The following RNF146 variants were observed in gnomAD, a reference collection of about 807,000 sequenced individuals.
RNF146 encodes E3 ubiquitin-protein ligase RNF146.
RNF146 carries 11 observed loss-of-function variants against 29.7 expected under a neutral mutation model. The ratio of observed to expected loss-of-function variants is 0.37; its 90% CI spans 0.23 to 0.61. The LOEUF (loss-of-function observed/expected upper bound fraction) is 0.61, where lower values mean the gene tolerates loss of function less well. Ranked by LOEUF, RNF146 falls within the 20% of genes least tolerant of loss-of-function variation. RNF146 has a pLI of 0.66. For missense variants in RNF146, 342 were observed against 438.9 expected (o/e 0.78, Z 1.97); for synonymous variants, 150 against 159.7 (o/e 0.94, Z 0.46).
At chr6:127,279,791 C>CT (rs1173302892) in intron 1 of RNF146, among the ~76,000 whole-genome samples, 1 of 151,824 alleles carries the variant, frequency 6.6e-6, no homozygotes, top group Non-Finnish European at 1.5e-5. Flanking sequence ...GTGTACAAGT[C>CT]CTTCACCTCC....
At chr6:127,273,829 T>C (rs1777825211) in intron 1 of RNF146, among the ~76,000 whole-genome samples, 1 of 152,142 alleles carries the variant, frequency 6.6e-6, no homozygotes, top group Admixed American at 6.5e-5. Flanking sequence ...GAAAATGGCA[T>C]TAATGTATAG....
At chr6:127,282,582 C>CT (rs914671709) in intron 2 of RNF146, among the ~76,000 whole-genome samples, 2 of 151,752 alleles carry the variant, frequency 1.3e-5, no homozygotes, top group Non-Finnish European at 2.9e-5. Flanking sequence ...GCTTTCATTT[C>CT]TTTTTCCTTA....
intron 1 of RNF146, among the ~76,000 whole-genome samples, chr6:127,279,536 T>C (rs910601836): frequency 5.3e-5 from 8 of 149,860 alleles, no homozygotes; most frequent in African/African-American, 2.0e-4. Context: ...TAGTAAGTTT[T>C]GACATTGGAT....
chr6:127,286,186 AT>A lies in RNF146; in HGVS notation c.3-427del. ...TAAACTCTGATTTGCAGGTAAGGAA[AT>A]TTAGACTAATGGTTTAACTGAGTGC... On this transcript the variant is annotated intron_variant, in intron 2 of 2. Transcript: ENST00000368314. This position sits in a 1 kb window ranked among gnomAD's most constrained non-coding sequence, Gnocchi z 4.6. The A allele has an allele frequency of 8.1e-7, 1 of 1,230,500 alleles. No homozygotes were observed. Among genetic ancestry groups the A allele is most frequent in the Non-Finnish European group, 1.0e-6 (1 of 987,180 alleles). The allele number at this position is 1,230,500 out of a possible 1,614,324, so 76.2% of individuals were successfully genotyped here. A position where few individuals can be genotyped will look rare whatever the true frequency, so the allele number is the denominator to read the frequency against.
chr6:127,267,326 C>T (rs1208303676), intron 1 of RNF146, among the ~76,000 whole-genome samples: 4 of 152,184 alleles, frequency 2.6e-5, no homozygotes, highest in Admixed American at 1.3e-4. Flanking sequence ...TGCGCAGCCT[C>T]TTCCGCCTGA....
At chr6:127,274,836 C>T (rs1421949378) in intron 1 of RNF146, among the ~76,000 whole-genome samples, 1 of 152,084 alleles carries the variant, frequency 6.6e-6, no homozygotes, top group Non-Finnish European at 1.5e-5. Flanking sequence ...CTTTGGGAGC[C>T]TGTGGTAGGA....
At position 127,286,978 on chromosome 6, in the gene RNF146, G is replaced by C. The variant is rs376317250; in HGVS notation, c.365G>C (p.Ser122Thr). The C allele has an allele frequency of 1.5e-5, 24 of 1,613,444 alleles. No individual in the cohort carries two copies. The highest frequency in any genetic ancestry group is 4.4e-5 in the South Asian group (4 of 91,074). ...NGWWQYDERT[S>T]RELEDAFSKG... Reference sequence around the variant, plus strand: ...TGGTGGCAGTACGATGAGCGCACTAGTAGAGAGCTGGAAGATGCTTTTTCC... The same window carrying C: ...TGGTGGCAGTACGATGAGCGCACTACTAGAGAGCTGGAAGATGCTTTTTCC... The change falls in exon 3 of 3, where the codon AGT becomes ACT. Residue 122 changes from serine (S) to threonine (T), a missense_variant. By Grantham distance (58) the Ser-to-Thr change is moderately conservative. Around this residue, in one of 6 missense-constraint regions of RNF146, gnomAD observed 50 missense variants for 54.9 expected, o/e 0.91. Transcript: ENST00000368314. This position sits in a 1 kb window ranked among gnomAD's most constrained non-coding sequence, Gnocchi z 4.6.
Position 127,286,427 on chromosome 6 carries a change from A to G in RNF146, c.3-189A>G, listed in dbSNP as rs1779519847. On this transcript the variant is annotated intron_variant, in intron 2 of 2. Transcript: ENST00000368314. The surrounding 1 kb of genome is among the most constrained non-coding windows in gnomAD (Gnocchi z 4.6). ...TTTATACATTCCCAAGGTATGTACAAGTAGATGCTTACAAAAAATTTTCAT... is the reference window on the plus strand; with the variant it reads ...TTTATACATTCCCAAGGTATGTACAGGTAGATGCTTACAAAAAATTTTCAT... 2.9e-6 allele frequency: 2 copies of G among 697,102 alleles called. No homozygotes were observed. Among genetic ancestry groups the G allele is most frequent in the East Asian group, 5.5e-5 (2 of 36,056 alleles). 43.2% of individuals were successfully genotyped at this position (697,102 alleles called of 1,614,324 possible).
chr6:127,281,913 G>T (rs1778960516), intron 2 of RNF146, among the ~76,000 whole-genome samples: 1 of 151,466 alleles, frequency 6.6e-6, no homozygotes, highest in Admixed American at 6.6e-5. Context: ...GGTAAAGATA[G>T]ATTTTCAGGA....
At chr6:127,279,174 C>A (rs1278821154) in intron 1 of RNF146, among the ~76,000 whole-genome samples, 1 of 151,892 alleles carries the variant, frequency 6.6e-6, no homozygotes, top group East Asian at 1.9e-4. Flanking sequence ...CTTTTGATGT[C>A]ATATCTAGGA....
In RNF146 at chr6:127,282,502, A is replaced by G. The variant is rs555524113; in HGVS notation, c.2+2162A>G. 7 of 151,846 alleles carry G rather than the reference A, an allele frequency of 4.6e-5. No individual in the cohort carries two copies. The South Asian group carries it at 1.4e-3, about 31-fold the overall frequency. 9.4% of individuals were successfully genotyped at this position (151,846 alleles called of 1,614,324 possible). ...ACCTGGAGACCTTAATAAAGTCATT[A>G]TGTCTGAGACAGAACTCTCCTCAAA... is the stretch of plus-strand genomic sequence containing the variant. On this transcript the variant is annotated intron_variant, in intron 2 of 2. Transcript: ENST00000368314.
Position 127,287,802 on chromosome 6 carries a change from G to A in RNF146, c.*109G>A. The A allele has an allele frequency of 1.4e-6, 1 of 703,178 alleles. No individual in the cohort carries two copies. Among genetic ancestry groups the A allele is most frequent in the Non-Finnish European group, 2.5e-6 (1 of 399,076 alleles). 43.6% of individuals were successfully genotyped at this position (703,178 alleles called of 1,614,324 possible). A position where few individuals can be genotyped will look rare whatever the true frequency, so the allele number is the denominator to read the frequency against. ...TAGTGCATTTTGGGAGTTGGGGTGG[G>A]AAGGGGTATGGGAAGGATAGACTCA... On this transcript the variant is annotated 3_prime_UTR_variant, in exon 3 of 3. Coordinates refer to ENST00000368314, the MANE Select transcript of RNF146 (RefSeq NM_001242850.2).
chr6:127,276,079 G>A (rs1778165494), intron 1 of RNF146, among the ~76,000 whole-genome samples: 1 of 151,944 alleles, frequency 6.6e-6, no homozygotes, highest in African/African-American at 2.4e-5. Context: ...GATCGCTTGA[G>A]CCAAGCAGTT....
rs1002608333 is a variant in RNF146, at chr6:127,286,775, C to T, written c.162C>T (p.His54=). 6.8e-6 allele frequency: 11 copies of T among 1,613,272 alleles called. No individual in the cohort carries two copies. The highest frequency in any genetic ancestry group is 3.3e-5 in the South Asian group (3 of 91,078). The change falls in exon 3 of 3, where the codon CAC becomes CAT. Residue 54 remains histidine (H), a synonymous_variant. Coordinates refer to ENST00000368314, the MANE Select transcript of RNF146 (RefSeq NM_001242850.2). This position sits in a 1 kb window ranked among gnomAD's most constrained non-coding sequence, Gnocchi z 4.6. ...ATCCAGTCAGTCTGCCCTGTAAGCA[C>T]GTTTTCTGCTATCTATGTGTAAAAG... The part of the protein sequence containing the change: ...CVHPVSLPCK[H]VFCYLCVKGA...
At chr6:127,284,063 G>T (rs1043262501) in intron 2 of RNF146, among the ~76,000 whole-genome samples, 1 of 151,788 alleles carries the variant, frequency 6.6e-6, no homozygotes, top group Non-Finnish European at 1.5e-5. Context: ...TAGGGTGGAG[G>T]ATAATGTTTT....
intron 1 of RNF146, among the ~76,000 whole-genome samples, chr6:127,274,548 C>A (rs1777931627): frequency 6.6e-6 from 1 of 152,046 alleles, no homozygotes; most frequent in Non-Finnish European, 1.5e-5. Context: ...AAAATGGTAC[C>A]TTCTACACAT....
Position 127,286,506 on chromosome 6 carries a change from GTGGCTTGCATA to G in RNF146, c.3-108_3-98del. The G allele has an allele frequency of 9.9e-7, 1 of 1,006,518 alleles. No individual in the cohort carries two copies. Among genetic ancestry groups the G allele is most frequent in the Non-Finnish European group, 1.4e-6 (1 of 698,600 alleles). 62.3% of individuals were successfully genotyped at this position (1,006,518 alleles called of 1,614,324 possible). On this transcript the variant is annotated intron_variant, in intron 2 of 2. Transcript: ENST00000368314. The surrounding 1 kb of genome is among the most constrained non-coding windows in gnomAD (Gnocchi z 4.6). ...TCTTCATATCCCCATTGTCTAGTAT[GTGGCTTGCATA>G]TAATGCACATCATAGGTGGTTAGTG...
chr6:127,287,772 C>T lies in RNF146; in HGVS notation c.*79C>T. On this transcript the variant is annotated 3_prime_UTR_variant, in exon 3 of 3. Coordinates refer to ENST00000368314, the MANE Select transcript of RNF146 (RefSeq NM_001242850.2). ...CTGCCCACATAACATTATACTCATC[C>T]CTAGTAGTGCATTTTGGGAGTTGGG... 1 of 860,054 alleles carries T rather than the reference C, an allele frequency of 1.2e-6. No homozygotes were observed. Among genetic ancestry groups the T allele is most frequent in the African/African-American group, 1.7e-5 (1 of 59,018 alleles). 53.3% of individuals were successfully genotyped at this position (860,054 alleles called of 1,614,324 possible).
chr6:127,285,277 A>C, intron 2 of RNF146: 2 of 985,094 alleles, frequency 2.0e-6, no homozygotes, highest in South Asian at 4.7e-5. Context: ...AAAAAGAAAA[A>C]AAAGGATTGT....
Sources: gnomAD v4.1 joint callset for allele counts (sites outside exome capture counted in the v4.1 genomes callset) on GRCh38, gnomAD v4.1.1 for gene constraint, gnomAD v4.1.1 regional missense constraint, Gnocchi (gnomAD v3.1) non-coding constraint, MANE v1.5 for transcripts, NCBI Gene and HGNC (gene_info 2026-07-23, HGNC 2026-07-21) for gene names.